LGR5: variants seen among roughly 807,000 people sequenced by gnomAD.
LGR5 encodes leucine rich repeat containing G protein-coupled receptor 5, also known as leucine-rich repeat-containing G protein-coupled receptor 5.
Under a neutral mutation model 76.7 loss-of-function variants are expected in LGR5, and 54 were observed. The ratio of observed to expected loss-of-function variants is 0.70; its 90% CI spans 0.57 to 0.88. LGR5 has a LOEUF of 0.88. Among genes scored for constraint, LGR5 ranks in the 40% least tolerant of loss-of-function variants. The pLI is 0.00. For synonymous variants in LGR5, 406 were observed against 421.9 expected (o/e 0.96, Z 0.46); for missense variants, 1,078 against 1,073.3 (o/e 1.00, Z -0.06).
At chr12:71,575,722 A>ATATGTGTG (rs1555176199) in intron 13 of LGR5, among the ~76,000 whole-genome samples, 3,453 of 144,840 alleles carry the variant, frequency 0.024, 131 homozygotes, top group African/African-American at 0.081. Flanking sequence ...AAAAATATAT[A>ATATGTGTG]TGTGTGTGTG....
rs551403363 is a variant in LGR5, at chr12:71,480,072, T to A, written c.213-24542T>A. On this transcript the variant is annotated intron_variant, in intron 1 of 17. Transcript: ENST00000266674. ...CAGAAAGTGGCCAAACACTTAAGAA[T>A]GAGGAAGGAGGCTGGGTGCCGTAGC... is the stretch of plus-strand genomic sequence containing the variant. 1.4e-3 allele frequency among the ~76,000 whole-genome samples: 207 copies of A among 152,020 alleles called. 1 individual carries two copies. The highest frequency in any genetic ancestry group is 4.1e-3 in the African/African-American group (172 of 41,466).
chr12:71,506,969 A>G (rs576525758), intron 2 of LGR5, among the ~76,000 whole-genome samples: 1 of 152,236 alleles, frequency 6.6e-6, no homozygotes, highest in East Asian at 1.9e-4. Flanking sequence ...TGTTAGACAT[A>G]TGCTTAAGTC....
chr12:71,568,543 C>T (rs1196254448), intron 11 of LGR5, among the ~76,000 whole-genome samples: 1 of 152,196 alleles, frequency 6.6e-6, no homozygotes, highest in Non-Finnish European at 1.5e-5. Flanking sequence ...GAGGAATACA[C>T]ATAACATTCA....
chr12:71,474,505 A>T (rs1873242456), intron 1 of LGR5, among the ~76,000 whole-genome samples: 1 of 152,258 alleles, frequency 6.6e-6, no homozygotes, highest in Admixed American at 6.5e-5. Flanking sequence ...TGGGAGACCC[A>T]CACCTACAGA....
In LGR5 at chr12:71,566,643, G is replaced by T; in HGVS notation, c.941G>T (p.Gly314Val). The change falls in exon 10 of 18, where the codon GGT becomes GTT. Residue 314 changes from glycine to valine, a missense_variant. Gly to Val is a moderately radical substitution (Grantham distance 109). Transcript: ENST00000266674. Reference protein sequence around the residue: ...LPELRTLTLNGASQITEFPDL... With the variant: ...LPELRTLTLNVASQITEFPDL... ...ACTCCTCTTTCTAGGACTCTGAATG[G>T]TGCCTCACAAATAACTGAATTTCCT... 3 of 1,612,722 alleles carry T rather than the reference G, an allele frequency of 1.9e-6. No individual in the cohort carries two copies. The highest frequency in any genetic ancestry group is 2.5e-6 in the Non-Finnish European group (3 of 1,178,912).
intron 16 of LGR5, chr12:71,582,178 A>C (rs566044545): frequency 2.9e-6 from 1 of 345,468 alleles, no homozygotes; most frequent in African/African-American, 2.1e-5. Flanking sequence ...ATGTGGGGAC[A>C]TCATGAGCTG....
At chr12:71,538,588 C>T (rs903996018) in intron 4 of LGR5, among the ~76,000 whole-genome samples, 11 of 152,186 alleles carry the variant, frequency 7.2e-5, no homozygotes, top group African/African-American at 2.7e-4. Context: ...TTGACCTGAC[C>T]TGGAGCATTC....
In LGR5 at chr12:71,545,955, A is replaced by G. The variant is rs57323857; in HGVS notation, c.429-7118A>G. Reference sequence around the variant, plus strand: ...ATTTGCATTATTAACCTTTTCACATAGAAATATTAGGAAGAAAACTTTAAA... The same window carrying G: ...ATTTGCATTATTAACCTTTTCACATGGAAATATTAGGAAGAAAACTTTAAA... On this transcript the variant is annotated intron_variant, in intron 4 of 17. Transcript: ENST00000266674. Among the ~76,000 whole-genome samples the G allele has an allele frequency of 4.8e-3, 737 of 152,312 alleles. 26 individuals carry two copies. In the East Asian group the frequency reaches 0.089, roughly 18 times the overall value.
At chr12:71,543,272 C>A (rs941752570) in intron 4 of LGR5, among the ~76,000 whole-genome samples, 1 of 152,208 alleles carries the variant, frequency 6.6e-6, no homozygotes, top group African/African-American at 2.4e-5. Context: ...TTCCCACATG[C>A]CTTTCCTGGG....
In LGR5 at chr12:71,578,823, C is replaced by G; in HGVS notation, c.1300C>G (p.Leu434Val). Residue 434 changes from leucine to valine, a missense_variant, in exon 15 of 18, where the codon CTG becomes GTG. Leu to Val is a conservative substitution (Grantham distance 32). Transcript: ENST00000266674. ...LIKLDLSSNL[L>V]SSFPITGLHG... ...TTGCAGGGACCTATCGTCCAACCTCCTGTCGTCTTTTCCTATAACTGGGTT... is the reference window on the plus strand; with the variant it reads ...TTGCAGGGACCTATCGTCCAACCTCGTGTCGTCTTTTCCTATAACTGGGTT... 6.2e-7 allele frequency: 1 copy of G among 1,610,338 alleles called. No homozygotes were observed. The highest frequency in any genetic ancestry group is 8.5e-7 in the Non-Finnish European group (1 of 1,177,990).
intron 3 of LGR5, among the ~76,000 whole-genome samples, chr12:71,524,828 G>A (rs886804321): frequency 6.6e-6 from 1 of 152,154 alleles, no homozygotes; most frequent in Non-Finnish European, 1.5e-5. Flanking sequence ...AAATCACTGT[G>A]ATGCTGACAT....
intron 1 of LGR5, among the ~76,000 whole-genome samples, chr12:71,503,107 C>T (rs1874685513): frequency 6.6e-6 from 1 of 152,142 alleles, no homozygotes; most frequent in African/African-American, 2.4e-5. Context: ...AATATCAAGT[C>T]TTTGCAGAGA....
At chr12:71,508,305 T>A (rs1455074649) in intron 2 of LGR5, among the ~76,000 whole-genome samples, 1 of 152,186 alleles carries the variant, frequency 6.6e-6, no homozygotes, top group East Asian at 1.9e-4. Context: ...GGATATATCA[T>A]TTCTCTCATT....
At position 71,544,650 on chromosome 12, in the gene LGR5, C is replaced by T. The variant is rs78981025; in HGVS notation, c.429-8423C>T. Among the ~76,000 whole-genome samples the T allele has an allele frequency of 2.1e-3, 323 of 151,504 alleles. 9 individuals are homozygous for T. The East Asian group carries it at 0.038, about 18-fold the overall frequency. Reference sequence around the variant, plus strand: ...AGTACATATAGATTAAATAATAGGCCGATAGTATTATAATAGTTCTGTGAC... The same window carrying T: ...AGTACATATAGATTAAATAATAGGCTGATAGTATTATAATAGTTCTGTGAC... On this transcript the variant is annotated intron_variant, in intron 4 of 17. Coordinates refer to ENST00000266674, the MANE Select transcript of LGR5 (RefSeq NM_003667.4).
chr12:71,462,657 A>T (rs931616478), intron 1 of LGR5, among the ~76,000 whole-genome samples: 1 of 152,060 alleles, frequency 6.6e-6, no homozygotes, highest in African/African-American at 2.4e-5. Flanking sequence ...CATGCCAGGC[A>T]AGTCTCATTT....
rs761776610 is a variant in LGR5 at position 71,584,036 on chromosome 12, G to C, written c.2026G>C (p.Ala676Pro). 48 of 1,614,092 alleles carry C rather than the reference G, an allele frequency of 3.0e-5. No individual in the cohort carries two copies. The South Asian group carries it at 5.3e-4, about 18-fold the overall frequency. ...VKYSAKFETK[A>P]PFSSLKVIIL... Reference sequence around the variant, plus strand: ...ATATTCTGCAAAATTTGAAACGAAAGCTCCATTTTCTAGCCTGAAAGTAAT... The same window carrying C: ...ATATTCTGCAAAATTTGAAACGAAACCTCCATTTTCTAGCCTGAAAGTAAT... The change falls in exon 18 of 18, where the codon GCT (alanine) becomes CCT (proline). Residue 676 changes from alanine (A) to proline (P), a missense_variant. By Grantham distance (27) the Ala-to-Pro change is conservative. Transcript: ENST00000266674.
intron 11 of LGR5, 112 bp downstream of exon 11, chr12:71,567,024 C>T (rs1245241284): frequency 2.3e-6 from 2 of 853,946 alleles, no homozygotes; most frequent in South Asian, 1.4e-5. Context: ...TTTTTCCTTT[C>T]AGGTCTGCAG....
At chr12:71,580,083 A>G (rs1039170381) in intron 15 of LGR5, among the ~76,000 whole-genome samples, 195 bp from the exon 16 acceptor site, 1 of 152,172 alleles carries the variant, frequency 6.6e-6, no homozygotes, top group African/African-American at 2.4e-5. Context: ...AACATTTCAT[A>G]GTGATCATTT....
chr12:71,559,014 C>A (rs1246363779), intron 6 of LGR5, among the ~76,000 whole-genome samples: 2 of 152,136 alleles, frequency 1.3e-5, no homozygotes, highest in African/African-American at 4.8e-5. Context: ...AAATTCTAGA[C>A]CAAATGTCCT....
Sources: allele counts gnomAD v4.1 joint callset (sites outside exome capture counted in the v4.1 genomes callset), GRCh38; gene constraint gnomAD v4.1.1; transcripts MANE v1.5; gene names NCBI Gene and HGNC (gene_info 2026-07-23, HGNC 2026-07-21).